SLC8A1: variants seen among roughly 807,000 people sequenced by gnomAD.
The protein encoded by SLC8A1 is sodium/calcium exchanger 1.
Under a neutral mutation model 68.3 loss-of-function variants are expected in SLC8A1, and 18 were observed. That is an observed-to-expected ratio of 0.26 (90% CI 0.18 to 0.39). SLC8A1 has a LOEUF of 0.39. SLC8A1 is among the 10% of genes least tolerant of loss of function. The pLI, the probability that SLC8A1 is intolerant of heterozygous loss-of-function variation, is 1.00. For synonymous variants in SLC8A1, 475 were observed against 415.5 expected, an observed-to-expected ratio of 1.14 and a Z score of -1.74; for missense variants, 985 against 1,156.7, an observed-to-expected ratio of 0.85 and a Z score of 2.15.
exon 3 of SLC8A1, chr2:40,177,757 A>G: frequency 6.5e-7 from 1 of 1,541,452 alleles, no homozygotes; most frequent in East Asian, 2.4e-5. Context: ...CACACCTTTC[A>G]TTCCTCTTCT....
chr2:40,350,822 C>T (rs1032910849), intron 2 of SLC8A1, among the ~76,000 whole-genome samples: 1 of 151,922 alleles, frequency 6.6e-6, no homozygotes, highest in African/African-American at 2.4e-5. Context: ...GTGTAGTAGG[C>T]ACTCTATATA....
At chr2:40,358,843 C>T (rs1673605817) in intron 2 of SLC8A1, among the ~76,000 whole-genome samples, 1 of 152,172 alleles carries the variant, frequency 6.6e-6, no homozygotes, top group African/African-American at 2.4e-5. Flanking sequence ...GAAGCGTGCA[C>T]TCTGAAGGAG....
chr2:40,187,844 G>C (rs2050980958), intron 2 of SLC8A1, among the ~76,000 whole-genome samples: 1 of 152,108 alleles, frequency 6.6e-6, no homozygotes, highest in Non-Finnish European at 1.5e-5. Context: ...GAGAAGATCA[G>C]GTGAGTAAGT....
intron 2 of SLC8A1, among the ~76,000 whole-genome samples, chr2:40,415,730 C>T (rs968285961): frequency 1.3e-5 from 2 of 152,010 alleles, no homozygotes; most frequent in Non-Finnish European, 2.9e-5. Flanking sequence ...GTTATCCCAG[C>T]ACTTTGGGAG....
chr2:40,461,370 CT>C (rs1465785958), intron 1 of SLC8A1, among the ~76,000 whole-genome samples: 1 of 152,156 alleles, frequency 6.6e-6, no homozygotes, highest in Non-Finnish European at 1.5e-5. Context: ...AATGCACCCC[CT>C]GATCCTTTGC....
chr2:40,231,281 TA>T (rs1047202666), intron 2 of SLC8A1, among the ~76,000 whole-genome samples: 16 of 152,202 alleles, frequency 1.1e-4, no homozygotes, highest in African/African-American at 3.9e-4. Context: ...GCACATATAT[TA>T]GACACGGGAA....
chr2:40,185,967 G>A (rs2050627719), intron 2 of SLC8A1, among the ~76,000 whole-genome samples: 1 of 152,120 alleles, frequency 6.6e-6, no homozygotes, highest in Non-Finnish European at 1.5e-5. Flanking sequence ...TGCTGTGTCT[G>A]TCTGTACCCT....
intron 7 of SLC8A1, among the ~76,000 whole-genome samples, chr2:40,133,598 C>G (rs1195072892): frequency 6.6e-6 from 1 of 151,928 alleles, no homozygotes; most frequent in Non-Finnish European, 1.5e-5. Flanking sequence ...CCAGTAGCAA[C>G]CAGCTGGTAG....
intron 7 of SLC8A1, among the ~76,000 whole-genome samples, chr2:40,132,768 A>G (rs1281340638): frequency 3.3e-5 from 5 of 152,196 alleles, no homozygotes; most frequent in African/African-American, 1.2e-4. Flanking sequence ...AAAAAAAATA[A>G]AGGTTGAAAG....
At chr2:40,430,855 C>T (rs945783227) in intron 1 of SLC8A1, among the ~76,000 whole-genome samples, 3 of 152,068 alleles carry the variant, frequency 2.0e-5, no homozygotes, top group Non-Finnish European at 4.4e-5. Context: ...ATCTTAAACG[C>T]CAGAGAGCAT....
At chr2:40,505,067 C>T (rs994635077) in intron 1 of SLC8A1, among the ~76,000 whole-genome samples, 9 of 151,856 alleles carry the variant, frequency 5.9e-5, no homozygotes, top group African/African-American at 2.2e-4. Flanking sequence ...AAGCATCTAT[C>T]AACAAATGAA....
intron 2 of SLC8A1, among the ~76,000 whole-genome samples, chr2:40,326,065 C>T (rs1018867207): frequency 6.6e-6 from 1 of 152,112 alleles, no homozygotes; most frequent in Admixed American, 6.6e-5. Flanking sequence ...CACCTTCTAT[C>T]AGCAGCTGTG....
intron 2 of SLC8A1, among the ~76,000 whole-genome samples, chr2:40,416,415 T>A (rs1173349049): frequency 1.3e-5 from 2 of 152,164 alleles, no homozygotes; most frequent in African/African-American, 4.8e-5. Context: ...ATGTTTCTTT[T>A]TGGCAAATAA....
chr2:40,428,554 G>C lies in SLC8A1; in HGVS notation c.1727C>G (p.Thr576Ser). 6.2e-7 allele frequency: 1 copy of C among 1,613,644 alleles called. No homozygotes were observed. Among genetic ancestry groups the C allele is most frequent in the East Asian group, 2.2e-5 (1 of 44,856 alleles). Residue 576 changes from threonine (T) to serine (S), a missense_variant, in exon 2 of 8, where the codon ACC becomes AGC. Thr to Ser is a moderately conservative substitution (Grantham distance 58). Around this residue, in one of 5 missense-constraint regions of SLC8A1, gnomAD observed 584 missense variants for 565.9 expected, o/e 1.03. Transcript: ENST00000406785. ...TCCACCTCTGGCAGTCCCTTCGATG[G>C]TTTTATATGGAACGATAACATTTCC...
chr2:40,325,357 C>A (rs989667837), intron 2 of SLC8A1, among the ~76,000 whole-genome samples: 1 of 152,106 alleles, frequency 6.6e-6, no homozygotes, highest in Non-Finnish European at 1.5e-5. Flanking sequence ...AAAGTCCCAG[C>A]CTGGCCCAGG....
intron 2 of SLC8A1, chr2:40,195,663 G>A (rs1323937298): frequency 6.6e-6 from 1 of 152,032 alleles, no homozygotes. Flanking sequence ...ATCTTGTGGG[G>A]AGAAGATAAT....
At chr2:40,344,670 TC>T (rs1668710625) in intron 2 of SLC8A1, among the ~76,000 whole-genome samples, 1 of 152,198 alleles carries the variant, frequency 6.6e-6, no homozygotes, top group Non-Finnish European at 1.5e-5. Flanking sequence ...TCACAGAGCT[TC>T]AGGTCTCCCA....
intron 2 of SLC8A1, among the ~76,000 whole-genome samples, chr2:40,295,469 A>G (rs2070189910): frequency 1.3e-5 from 2 of 152,196 alleles, no homozygotes; most frequent in Non-Finnish European, 2.9e-5. Flanking sequence ...ATACTATGTC[A>G]TTCTAAAATA....
chr2:40,314,796 G>A (rs959219776), intron 2 of SLC8A1, among the ~76,000 whole-genome samples: 6 of 151,994 alleles, frequency 3.9e-5, no homozygotes, highest in Admixed American at 3.3e-4. Context: ...ATATCAGTTT[G>A]CATTTGTTTC....
Sources: allele counts gnomAD v4.1 joint callset (sites outside exome capture counted in the v4.1 genomes callset), GRCh38; gene constraint gnomAD v4.1.1; regional missense constraint gnomAD v4.1.1; transcripts MANE v1.5; gene names NCBI Gene and HGNC (gene_info 2026-07-23, HGNC 2026-07-21).